The following ZNF595 variants were observed in gnomAD, a reference collection of about 807,000 sequenced individuals.
ZNF595 encodes the protein zinc finger protein 595.
A neutral mutation model predicts 19.4 loss-of-function variants in ZNF595; 9 were observed. The observed-to-expected ratio is 0.46, with a 90% CI of 0.28 to 0.81. The LOEUF is 0.81. ZNF595 is among the 30% of genes least tolerant of loss of function. The pLI is 0.11. For missense variants in ZNF595, 729 were observed against 736.0 expected, an observed-to-expected ratio of 0.99 and a Z score of 0.11; for synonymous variants, 255 against 255.9, an observed-to-expected ratio of 1.00 and a Z score of 0.03.
Position 68,685 on chromosome 4 carries a change from G to A in ZNF595, c.226+8532G>A, listed in dbSNP as rs1320159313. ...GATTATATCAGTGATTTTGATGAAG[G>A]CATGAAATGCACAAAAATAACATCA... is the stretch of plus-strand genomic sequence containing the variant. On this transcript the variant is annotated intron_variant, in intron 3 of 3. Coordinates refer to ENST00000610261, the MANE Select transcript of ZNF595 (RefSeq NM_182524.4). 3.3e-5 allele frequency among the ~76,000 whole-genome samples: 5 copies of A among 152,074 alleles called. No homozygotes were observed. In the East Asian group the frequency reaches 9.6e-4, roughly 29 times the overall value.
rs782449625 is a variant in ZNF595 at position 87,191 on chromosome 4, C to T, written c.1687C>T (p.Pro563Ser). The T allele has an allele frequency of 2.0e-5, 32 of 1,596,780 alleles. No individual in the cohort carries two copies. Among genetic ancestry groups the T allele is most frequent in the Middle Eastern group, 1.7e-4 (1 of 5,950 alleles). Reference sequence around the variant, plus strand: ...TAAGAAAATTCATTCTGGAGAGAAACCCTACAAATGCAAAGAATGTGGCAA... The same window carrying T: ...TAAGAAAATTCATTCTGGAGAGAAATCCTACAAATGCAAAGAATGTGGCAA... ...EHKKIHSGEK[P>S]YKCKECGKAY... Residue 563 changes from proline (P) to serine (S), a missense_variant, in exon 4 of 4, where the codon CCC becomes TCC. Physicochemically the swap from Pro to Ser is moderately conservative, Grantham distance 74 (BLOSUM62 -1). Around this residue, in one of 2 missense-constraint regions of ZNF595, gnomAD observed 729 missense variants for 675.3 expected, o/e 1.08. Coordinates refer to ENST00000610261, the MANE Select transcript of ZNF595 (RefSeq NM_182524.4).
intron 3 of ZNF595, among the ~76,000 whole-genome samples, chr4:78,207 A>G (rs1191207212): frequency 6.6e-6 from 1 of 152,006 alleles, no homozygotes; most frequent in Non-Finnish European, 1.5e-5. Flanking sequence ...ATGGGGTTTC[A>G]CCGTGTTAGC....
chr4:72,470 C>T (rs1451599998), intron 3 of ZNF595, among the ~76,000 whole-genome samples: 3 of 152,116 alleles, frequency 2.0e-5, no homozygotes, highest in African/African-American at 7.2e-5. Flanking sequence ...TTTGCCAAAA[C>T]ATCAGTTTCT....
chr4:81,675 C>T (rs1346183136), intron 3 of ZNF595, among the ~76,000 whole-genome samples: 4 of 152,200 alleles, frequency 2.6e-5, no homozygotes, highest in Non-Finnish European at 5.9e-5. Flanking sequence ...ACTCAGTACA[C>T]ATTAAACAAC....
At chr4:73,672 T>A (rs1713524757) in intron 3 of ZNF595, among the ~76,000 whole-genome samples, 2 of 152,238 alleles carry the variant, frequency 1.3e-5, no homozygotes. Context: ...TTTTGTCCTA[T>A]ATATTTTTTC....
chr4:86,071 A>G lies in ZNF595; in HGVS notation c.567A>G (p.Gln189=), dbSNP rs1714132896. 1.2e-6 allele frequency: 2 copies of G among 1,613,082 alleles called. No individual in the cohort carries two copies. The highest frequency in any genetic ancestry group is 1.7e-5 in the Admixed American group (1 of 59,802). ...CGTTTTACATGTCACACCTAACTCA[A>G]CATACAGGAATTCATGCTGGAGAGA... is the stretch of plus-strand genomic sequence containing the variant. The part of the protein sequence containing the change: ...GRSFYMSHLT[Q]HTGIHAGEKP... Residue 189 remains glutamine (Q), a synonymous_variant, in exon 4 of 4, where the codon CAA becomes CAG. Transcript: ENST00000610261.
intron 3 of ZNF595, among the ~76,000 whole-genome samples, chr4:70,321 C>G (rs369749772): frequency 1.3e-5 from 2 of 150,914 alleles, no homozygotes; most frequent in African/African-American, 4.9e-5. Flanking sequence ...GTTTTTGTAG[C>G]ACTTTCCCCG....
intron 3 of ZNF595, among the ~76,000 whole-genome samples, chr4:71,910 G>A (rs1713447461): frequency 6.6e-6 from 1 of 151,526 alleles, no homozygotes; most frequent in East Asian, 1.9e-4. Context: ...ACAAGGACCT[G>A]CAAAAAAAAA....
intron 3 of ZNF595, among the ~76,000 whole-genome samples, chr4:78,300 G>A (rs1212474812): frequency 3.3e-5 from 5 of 152,136 alleles, no homozygotes; most frequent in East Asian, 1.9e-4. Flanking sequence ...GAGCCACCGC[G>A]CCCGACCTTT....
chr4:85,640 G>T, intron 3 of ZNF595, 91 bp from the exon 4 acceptor site: 2 of 1,367,388 alleles, frequency 1.5e-6, no homozygotes, highest in Admixed American at 2.4e-5. Context: ...TCTTACTAAT[G>T]CAGTTTGTAT....
rs17853555 is a variant in ZNF595 at position 86,849 on chromosome 4, C to A, written c.1345C>A (p.Gln449Lys). Residue 449 changes from glutamine to lysine, a missense_variant, in exon 4 of 4, where the codon CAA (glutamine) becomes AAA (lysine). Physicochemically the swap from Gln to Lys is moderately conservative, Grantham distance 53. Transcript: ENST00000610261. The part of the protein sequence containing the change: ...LILHKRIHSG[Q>K]KPYKCEECGK... ...ATTACACAAGAGAATCCATTCTGGGCAAAAACCTTACAAATGTGAAGAATG... is the reference window on the plus strand; with the variant it reads ...ATTACACAAGAGAATCCATTCTGGGAAAAAACCTTACAAATGTGAAGAATG... The A allele has an allele frequency of 6.2e-7, 1 of 1,613,246 alleles. No individual in the cohort carries two copies. Among genetic ancestry groups the A allele is most frequent in the Non-Finnish European group, 8.5e-7 (1 of 1,179,726 alleles).
intron 3 of ZNF595, among the ~76,000 whole-genome samples, chr4:64,174 G>T (rs1712980877): frequency 7.2e-6 from 1 of 138,208 alleles, no homozygotes; most frequent in Non-Finnish European, 1.5e-5. Flanking sequence ...CATTCATTAA[G>T]GTATCAGGAT....
chr4:87,182 G>A lies in ZNF595; in HGVS notation c.1678G>A (p.Gly560Arg). 1.2e-6 allele frequency: 2 copies of A among 1,613,846 alleles called. No homozygotes were observed. Among genetic ancestry groups the A allele is most frequent in the Non-Finnish European group, 1.7e-6 (2 of 1,179,836 alleles). The change falls in exon 4 of 4, where the codon GGA (glycine) becomes AGA (arginine). Residue 560 changes from glycine (G) to arginine (R), a missense_variant. Physicochemically the swap from Gly to Arg is moderately radical, Grantham distance 125. Transcript: ENST00000610261. ...ALNEHKKIHS[G>R]EKPYKCKECG... ...GAATGAACATAAGAAAATTCATTCT[G>A]GAGAGAAACCCTACAAATGCAAAGA...
intron 3 of ZNF595, among the ~76,000 whole-genome samples, chr4:75,699 C>T (rs1242513682): frequency 2.0e-5 from 3 of 151,876 alleles, no homozygotes; most frequent in Non-Finnish European, 2.9e-5. Context: ...TTTTGTAATT[C>T]TTACATGCTG....
chr4:66,617 G>C (rs1167768770), intron 3 of ZNF595, among the ~76,000 whole-genome samples: 1 of 150,838 alleles, frequency 6.6e-6, no homozygotes, highest in African/African-American at 2.4e-5. Context: ...GACAGTTTTT[G>C]TATATGGTTC....
chr4:79,752 T>A (rs1713829107), intron 3 of ZNF595, among the ~76,000 whole-genome samples: 1 of 151,842 alleles, frequency 6.6e-6, no homozygotes, highest in South Asian at 2.1e-4. Flanking sequence ...CTATAAATTT[T>A]AAGCTAGTTT....
chr4:54,361 GGCT>G (rs1581308352), intron 1 of ZNF595, among the ~76,000 whole-genome samples: 2 of 151,882 alleles, frequency 1.3e-5, no homozygotes, highest in East Asian at 3.9e-4. Context: ...AGAAAGACAT[GGCT>G]GAGCCTGGGC....
At chr4:69,625 C>T (rs929183815) in intron 3 of ZNF595, among the ~76,000 whole-genome samples, 1 of 152,034 alleles carries the variant, frequency 6.6e-6, no homozygotes, top group African/African-American at 2.4e-5. Flanking sequence ...ATGTGCCTTA[C>T]GTATTCTGGT....
chr4:85,208 T>C (rs1205648559), intron 3 of ZNF595, among the ~76,000 whole-genome samples: 6 of 152,218 alleles, frequency 3.9e-5, no homozygotes, highest in Non-Finnish European at 8.8e-5. Flanking sequence ...TTCCCTGTAT[T>C]TAACACTGCA....
Sources: allele counts gnomAD v4.1 joint callset (sites outside exome capture counted in the v4.1 genomes callset), GRCh38; gene constraint gnomAD v4.1.1; regional missense constraint gnomAD v4.1.1; transcripts MANE v1.5; gene names NCBI Gene and HGNC (gene_info 2026-07-23, HGNC 2026-07-21).